The following SOX6 variants were observed in gnomAD, a reference collection of about 807,000 sequenced individuals.
SOX6 encodes SRY-box transcription factor 6.
SOX6 carries 11 observed loss-of-function variants against 97.8 expected under a neutral mutation model. The ratio of observed to expected loss-of-function variants is 0.11; its 90% CI spans 0.07 to 0.19. SOX6 has a LOEUF of 0.19. Among genes scored for constraint, SOX6 ranks in the 10% least tolerant of loss-of-function variants. SOX6 has a pLI of 1.00. For missense variants in SOX6, 810 were observed against 1,039.5 expected, an observed-to-expected ratio of 0.78 and a Z score of 3.04; for synonymous variants, 360 against 371.4, an observed-to-expected ratio of 0.97 and a Z score of 0.35.
chr11:16,662,802 T>C (rs1359010644), intron 3 of SOX6, among the ~76,000 whole-genome samples: 1 of 152,168 alleles, frequency 6.6e-6, no homozygotes, highest in African/African-American at 2.4e-5. Context: ...CAAGTGATCC[T>C]CTCACCTCAG....
chr11:16,491,702 A>G (rs1231353928), intron 4 of SOX6, among the ~76,000 whole-genome samples: 1 of 152,208 alleles, frequency 6.6e-6, no homozygotes, highest in South Asian at 2.1e-4. Flanking sequence ...ACAAGAGGAG[A>G]AAAACATTCC....
At chr11:16,521,528 G>A (rs1366561303) in intron 4 of SOX6, among the ~76,000 whole-genome samples, 4 of 151,986 alleles carry the variant, frequency 2.6e-5, no homozygotes, top group Non-Finnish European at 5.9e-5. Flanking sequence ...ACAAAGATGG[G>A]GAAAAAAACA....
At chr11:16,683,045 T>C (rs1847940821) in intron 3 of SOX6, among the ~76,000 whole-genome samples, 1 of 152,154 alleles carries the variant, frequency 6.6e-6, no homozygotes, top group African/African-American at 2.4e-5. Flanking sequence ...AAGGACCTCT[T>C]CAAGGAGAAC....
At chr11:16,717,953 C>CT (rs36059733) in intron 2 of SOX6, among the ~76,000 whole-genome samples, 40,377 of 134,606 alleles carry the variant, frequency 0.3, 7,068 homozygotes, top group East Asian at 0.53. Flanking sequence ...TCCTGTTTTT[C>CT]TTTTTTTTTT....
chr11:16,284,352 T>A (rs1399344806), intron 3 of SOX6, among the ~76,000 whole-genome samples: 2 of 152,140 alleles, frequency 1.3e-5, no homozygotes, highest in Non-Finnish European at 2.9e-5. Flanking sequence ...GTTGAAAGAG[T>A]GTTCTGACAG....
chr11:16,177,518 C>T (rs1851226794), intron 6 of SOX6, among the ~76,000 whole-genome samples: 1 of 151,682 alleles, frequency 6.6e-6, no homozygotes, highest in Admixed American at 6.6e-5. Flanking sequence ...AATCACCTGC[C>T]GTAAATAGAA....
chr11:16,186,713 C>G (rs1171420349), intron 5 of SOX6, 70 bp downstream of exon 5: 1 of 1,513,044 alleles, frequency 6.6e-7, no homozygotes, highest in Non-Finnish European at 9.2e-7. Flanking sequence ...ATAAGCCAAT[C>G]AATTTGATTA....
chr11:16,220,862 G>A lies in SOX6; in HGVS notation c.535+13720C>T, dbSNP rs1161979625. Among the ~76,000 whole-genome samples the A allele has an allele frequency of 2.6e-5, 4 of 152,102 alleles. No individual in the cohort carries two copies. In the East Asian group the frequency reaches 7.7e-4, roughly 29 times the overall value. Reference sequence around the variant, plus strand: ...CCTATCATGAATCAAACCCACATGTGATCAACTCCACAGTTCATGTTTATT... The same window carrying A: ...CCTATCATGAATCAAACCCACATGTAATCAACTCCACAGTTCATGTTTATT... On this transcript the variant is annotated intron_variant, in intron 4 of 15. Coordinates refer to ENST00000683767, the MANE Select transcript of SOX6 (RefSeq NM_001367873.1).
chr11:16,051,255 A>C (rs575444281), intron 10 of SOX6, among the ~76,000 whole-genome samples: 5 of 152,176 alleles, frequency 3.3e-5, no homozygotes, highest in African/African-American at 1.2e-4. Flanking sequence ...AATGACTATG[A>C]GCCTGGCCAG....
At chr11:16,665,920 C>G (rs1027492778) in intron 3 of SOX6, among the ~76,000 whole-genome samples, 1 of 152,154 alleles carries the variant, frequency 6.6e-6, no homozygotes, top group Non-Finnish European at 1.5e-5. Context: ...TCTTCTAGAT[C>G]TTATCTAAGA....
chr11:16,191,411 T>C (rs1165083892), intron 4 of SOX6, among the ~76,000 whole-genome samples: 1 of 152,088 alleles, frequency 6.6e-6, no homozygotes, highest in East Asian at 1.9e-4. Flanking sequence ...CAGTGAGCCA[T>C]GATTGCGCCA....
chr11:16,225,787 A>C (rs189447388), intron 4 of SOX6, among the ~76,000 whole-genome samples: 7 of 152,300 alleles, frequency 4.6e-5, no homozygotes, highest in Admixed American at 1.3e-4. Flanking sequence ...ACTCCTCCGA[A>C]GATTTATGCT....
chr11:16,396,336 A>G (rs928697490), intron 1 of SOX6, among the ~76,000 whole-genome samples: 14 of 151,730 alleles, frequency 9.2e-5, no homozygotes, highest in African/African-American at 3.4e-4. Context: ...ACAAAAGCTG[A>G]GTATATAGGA....
At chr11:16,564,674 T>A (rs1176696851) in intron 4 of SOX6, among the ~76,000 whole-genome samples, 2 of 151,870 alleles carry the variant, frequency 1.3e-5, no homozygotes, top group Admixed American at 1.3e-4. Flanking sequence ...TATCTCCAAA[T>A]CCTTGGAAAC....
At chr11:16,469,342 A>G (rs1860100645) in intron 1 of SOX6, among the ~76,000 whole-genome samples, 2 of 152,120 alleles carry the variant, frequency 1.3e-5, no homozygotes, top group South Asian at 4.1e-4. Context: ...GCACAAAACA[A>G]TTAGGTTAAA....
intron 1 of SOX6, among the ~76,000 whole-genome samples, chr11:16,427,617 A>G (rs1388518674): frequency 6.6e-6 from 1 of 151,972 alleles, no homozygotes; most frequent in Non-Finnish European, 1.5e-5. Context: ...GCTGAGAATG[A>G]TGGTTTCCAG....
intron 6 of SOX6, among the ~76,000 whole-genome samples, chr11:16,126,286 T>C (rs1363625386): frequency 6.6e-6 from 1 of 152,080 alleles, no homozygotes; most frequent in Non-Finnish European, 1.5e-5. Flanking sequence ...TAGTTCCACA[T>C]GACAGTTCCC....
At chr11:16,102,982 C>T (rs1262468749) in intron 7 of SOX6, among the ~76,000 whole-genome samples, 2 of 151,592 alleles carry the variant, frequency 1.3e-5, no homozygotes, top group Non-Finnish European at 3.0e-5. Flanking sequence ...AATTCATCAC[C>T]AAGAACCCAA....
At chr11:16,119,200 C>T (rs1370806619) in intron 6 of SOX6, among the ~76,000 whole-genome samples, 1 of 152,150 alleles carries the variant, frequency 6.6e-6, no homozygotes, top group Non-Finnish European at 1.5e-5. Flanking sequence ...GAAAAGCCTT[C>T]AAGGTCAGAA....
Sources: gnomAD v4.1 joint callset for allele counts (sites outside exome capture counted in the v4.1 genomes callset) on GRCh38, gnomAD v4.1.1 for gene constraint, MANE v1.5 for transcripts, NCBI Gene and HGNC (gene_info 2026-07-23, HGNC 2026-07-21) for gene names.